Variants in KALRN observed in about 807,000 individuals in gnomAD.
KALRN encodes the protein kalirin RhoGEF kinase, also known as kalirin.
KALRN carries 70 observed loss-of-function variants against 353.7 expected under a neutral mutation model. The ratio of observed to expected loss-of-function variants is 0.20; its 90% CI spans 0.16 to 0.24. The LOEUF (loss-of-function observed/expected upper bound fraction) is 0.24. Ranked by LOEUF, KALRN falls within the 10% of genes least tolerant of loss-of-function variation. The probability of loss-of-function intolerance (pLI) is 1.00; values close to 1 mark genes in which losing one functional copy is unlikely to be tolerated. For synonymous variants in KALRN, 1,391 were observed against 1,434.8 expected, an observed-to-expected ratio of 0.97 and a Z score of 0.69; for missense variants, 2,791 against 3,756.7, an observed-to-expected ratio of 0.74 and a Z score of 6.72.
At chr3:124,275,386 T>C (rs963142977) in intron 5 of KALRN, among the ~76,000 whole-genome samples, 2 of 152,244 alleles carry the variant, frequency 1.3e-5, no homozygotes, top group African/African-American at 4.8e-5. Context: ...TGCTTTTTCA[T>C]TCTCCCCTAC....
intron 37 of KALRN, 142 bp from the exon 38 acceptor site, chr3:124,650,666 T>G (rs542224887): frequency 2.6e-6 from 2 of 759,396 alleles, no homozygotes; most frequent in South Asian, 4.0e-5. Context: ...GTCTCTGGTC[T>G]GCTAGTGCTT....
chr3:124,399,793 C>T (rs781561981), intron 13 of KALRN, among the ~76,000 whole-genome samples: 1 of 152,172 alleles, frequency 6.6e-6, no homozygotes, highest in Non-Finnish European at 1.5e-5. Flanking sequence ...ATTTATGTCC[C>T]CTTTCTCATA....
intron 33 of KALRN, among the ~76,000 whole-genome samples, chr3:124,553,839 G>A (rs557260627): frequency 6.6e-6 from 1 of 152,262 alleles, no homozygotes; most frequent in Admixed American, 6.5e-5. Flanking sequence ...GTGTTGCAGA[G>A]GCAAAGTTGC....
At chr3:124,604,356 T>A (rs549261951) in intron 34 of KALRN, among the ~76,000 whole-genome samples, 5 of 152,148 alleles carry the variant, frequency 3.3e-5, no homozygotes, top group Non-Finnish European at 7.3e-5. Context: ...GTGGAAGTTA[T>A]GCATCGAGCC....
At chr3:124,474,485 A>C (rs894036061) in intron 25 of KALRN, among the ~76,000 whole-genome samples, 178 bp from the exon 26 acceptor site, 1 of 152,246 alleles carries the variant, frequency 6.6e-6, no homozygotes, top group African/African-American at 2.4e-5. Flanking sequence ...ATCAATTAAC[A>C]TACATTTTAA....
chr3:124,139,067 A>G (rs57626270), intron 1 of KALRN, among the ~76,000 whole-genome samples: 57,131 of 151,996 alleles, frequency 0.38, 11,114 homozygotes, highest in African/African-American at 0.48. Flanking sequence ...TGGGGAAGCT[A>G]GCCCAGGGAT....
At chr3:124,332,313 T>A (rs1394472754) in intron 8 of KALRN, among the ~76,000 whole-genome samples, 1 of 150,784 alleles carries the variant, frequency 6.6e-6, no homozygotes, top group Non-Finnish European at 1.5e-5. Context: ...AAAGGAGGGG[T>A]GAGGGGAGGA....
intron 1 of KALRN, among the ~76,000 whole-genome samples, chr3:124,186,108 A>G (rs1302789357): frequency 6.6e-6 from 1 of 152,178 alleles, no homozygotes; most frequent in African/African-American, 2.4e-5. Context: ...GAGAAAAAGG[A>G]TGTTTTCAGT....
At chr3:124,255,628 C>G (rs2148807015) in intron 3 of KALRN, among the ~76,000 whole-genome samples, 1 of 152,290 alleles carries the variant, frequency 6.6e-6, no homozygotes, top group East Asian at 1.9e-4. Flanking sequence ...AATTGGTCAA[C>G]CAGAGCCTGG....
In KALRN at chr3:124,264,583, C is replaced by T; in HGVS notation, c.349C>T (p.Leu117=). The T allele has an allele frequency of 1.2e-6, 2 of 1,614,180 alleles. No individual in the cohort carries two copies. Among genetic ancestry groups the T allele is most frequent in the Non-Finnish European group, 1.7e-6 (2 of 1,180,030 alleles). ...WDLIKPLLKT[L]QEAFPAEIHV... ...CCTCATCAAGCCCCTCCTCAAAACGCTGCAGGAAGCCTTTCCAGCTGAGAT... is the reference window on the plus strand; with the variant it reads ...CCTCATCAAGCCCCTCCTCAAAACGTTGCAGGAAGCCTTTCCAGCTGAGAT... The change falls in exon 4 of 60, where the codon CTG becomes TTG. Residue 117 remains leucine (L), a synonymous_variant. Transcript: ENST00000682506.
intron 10 of KALRN, among the ~76,000 whole-genome samples, chr3:124,374,698 C>T (rs2086338622): frequency 6.6e-6 from 1 of 152,230 alleles, no homozygotes. Context: ...ACTGTCTTGT[C>T]TCTCCAAAGC....
chr3:124,307,893 C>A (rs1027710422), intron 6 of KALRN, among the ~76,000 whole-genome samples: 2 of 151,624 alleles, frequency 1.3e-5, no homozygotes, highest in African/African-American at 4.8e-5. Context: ...AATATAAGAC[C>A]CAATCTAATT....
In KALRN at chr3:124,423,119, A is replaced by G. The variant is rs151230205; in HGVS notation, c.2709+141A>G. Reference sequence around the variant, plus strand: ...CAGCACTTCGAAAATAGGTAAGTTAAGGACTACTTGTATTAGTTTCTGAAA... The same window carrying G: ...CAGCACTTCGAAAATAGGTAAGTTAGGGACTACTTGTATTAGTTTCTGAAA... On this transcript the variant is annotated intron_variant, in intron 15 of 59. Transcript: ENST00000682506. The G allele has an allele frequency of 2.7e-4, 187 of 690,714 alleles. No homozygotes were observed. The African/African-American group carries it at 3.0e-3, about 11-fold the overall frequency. The allele number at this position is 690,714 out of a possible 1,614,324, so 42.8% of individuals were successfully genotyped here.
chr3:124,592,163 G>A (rs1349656832), intron 34 of KALRN, among the ~76,000 whole-genome samples: 2 of 151,996 alleles, frequency 1.3e-5, no homozygotes, highest in African/African-American at 2.4e-5. Flanking sequence ...TTACCTGGGT[G>A]TGGTGGTGCA....
chr3:124,345,343 A>T (rs2149537264), intron 9 of KALRN, among the ~76,000 whole-genome samples: 1 of 152,352 alleles, frequency 6.6e-6, no homozygotes, highest in South Asian at 2.1e-4. Context: ...GCTGAAGCTC[A>T]TAACTCCTTT....
chr3:124,092,872 G>A (rs1236402106), intron 1 of KALRN, among the ~76,000 whole-genome samples: 4 of 152,198 alleles, frequency 2.6e-5, no homozygotes, highest in Admixed American at 2.6e-4. Context: ...GGCCACATGT[G>A]AGCGATGGAT....
intron 34 of KALRN, among the ~76,000 whole-genome samples, chr3:124,619,399 TGAG>T (rs2079018195): frequency 6.6e-6 from 1 of 152,100 alleles, no homozygotes; most frequent in Non-Finnish European, 1.5e-5. Context: ...GATATCTCTA[TGAG>T]GTAGTAACTT....
intron 1 of KALRN, among the ~76,000 whole-genome samples, chr3:124,104,789 G>T (rs537318526): frequency 2.0e-5 from 3 of 152,224 alleles, no homozygotes; most frequent in Non-Finnish European, 4.4e-5. Context: ...GCCTAGAGGG[G>T]TTGGAGAAGT....
At chr3:124,599,742 A>G (rs2076619242) in intron 34 of KALRN, among the ~76,000 whole-genome samples, 1 of 152,236 alleles carries the variant, frequency 6.6e-6, no homozygotes. Flanking sequence ...GTTCTGCTTC[A>G]AAGCAGAAGA....
Sources: gnomAD v4.1 joint callset for allele counts (sites outside exome capture counted in the v4.1 genomes callset) on GRCh38, gnomAD v4.1.1 for gene constraint, MANE v1.5 for transcripts, NCBI Gene and HGNC (gene_info 2026-07-23, HGNC 2026-07-21) for gene names.